The following RBPMS variants were observed in gnomAD, a reference collection of about 807,000 sequenced individuals.
The protein encoded by RBPMS is RNA binding protein, mRNA processing factor.
Under a neutral mutation model 26.8 loss-of-function variants are expected in RBPMS, and 7 were observed. The ratio of observed to expected loss-of-function variants is 0.26; its 90% CI spans 0.15 to 0.49. The LOEUF is 0.49. RBPMS is among the 20% of genes least tolerant of loss of function. RBPMS has a pLI of 0.98. For missense variants in RBPMS, 186 were observed against 250.0 expected, an observed-to-expected ratio of 0.74 and a Z score of 1.73; for synonymous variants, 96 against 93.3, an observed-to-expected ratio of 1.03 and a Z score of -0.17.
chr8:30,545,471 T>C, intron 6 of RBPMS: 1 of 990,382 alleles, frequency 1.0e-6, no homozygotes, highest in African/African-American at 1.7e-5. Context: ...AGAAAGTACG[T>C]ACGTAGGTTT....
chr8:30,484,765 G>GT (rs1818617726), intron 4 of RBPMS, among the ~76,000 whole-genome samples: 1 of 152,170 alleles, frequency 6.6e-6, no homozygotes, highest in Non-Finnish European at 1.5e-5. Context: ...CAGCTGATAT[G>GT]ATCAGGAAAA....
intron 1 of RBPMS, among the ~76,000 whole-genome samples, chr8:30,443,250 C>T (rs59800364): frequency 0.25 from 37,758 of 152,046 alleles, 5,053 homozygotes; most frequent in East Asian, 0.42. Context: ...TATTTTTTCT[C>T]TGAAGACTAT....
At chr8:30,549,772 T>TTTTCTTCTCTCTCTCTCTCTCTCTC (rs1182285469) in intron 6 of RBPMS, among the ~76,000 whole-genome samples, 9 of 71,220 alleles carry the variant, frequency 1.3e-4, no homozygotes, top group African/African-American at 6.8e-4. Context: ...TTTTCTTTTC[T>TTTTCTTCTCTCTCTCTCTCTCTCTC]TCTCTCTCTC....
intron 1 of RBPMS, among the ~76,000 whole-genome samples, chr8:30,449,995 C>A (rs3735767): frequency 1.3e-5 from 2 of 152,216 alleles, no homozygotes; most frequent in Admixed American, 6.5e-5. Context: ...AGCAGGGCTC[C>A]AAGCCTTTTT....
chr8:30,566,478 TGATTCTG>T (rs1306897564), intron 8 of RBPMS, 118 bp downstream of exon 8: 3 of 169,148 alleles, frequency 1.8e-5, no homozygotes, highest in African/African-American at 7.2e-5. Flanking sequence ...CCACCCCAGG[TGATTCTG>T]CCCGGAGCTC....
intron 1 of RBPMS, among the ~76,000 whole-genome samples, chr8:30,471,163 G>A (rs1817052253): frequency 6.6e-6 from 1 of 152,112 alleles, no homozygotes. Flanking sequence ...AAACATTTGA[G>A]TACACATACT....
chr8:30,425,366 T>C (rs1255819899), intron 1 of RBPMS, among the ~76,000 whole-genome samples: 1 of 152,182 alleles, frequency 6.6e-6, no homozygotes, highest in East Asian at 1.9e-4. Context: ...TTTAAGTATG[T>C]ATTTTATATG....
intron 5 of RBPMS, among the ~76,000 whole-genome samples, chr8:30,533,182 G>A (rs1265902819): frequency 6.6e-6 from 1 of 152,038 alleles, no homozygotes; most frequent in African/African-American, 2.4e-5. Context: ...CATCCATTTT[G>A]TGGCCTCATG....
chr8:30,491,356 T>G (rs1166566681), intron 4 of RBPMS, among the ~76,000 whole-genome samples: 1 of 152,154 alleles, frequency 6.6e-6, no homozygotes, highest in Non-Finnish European at 1.5e-5. Flanking sequence ...GTGATTATCT[T>G]TGGGGGAGGG....
intron 1 of RBPMS, among the ~76,000 whole-genome samples, chr8:30,436,050 A>G (rs1812419679): frequency 6.6e-6 from 1 of 152,232 alleles, no homozygotes; most frequent in Admixed American, 6.5e-5. Flanking sequence ...ACAGGGAGAC[A>G]ACAACAATTT....
chr8:30,498,824 A>ACACCAT (rs1305921663), intron 4 of RBPMS, among the ~76,000 whole-genome samples: 2 of 152,176 alleles, frequency 1.3e-5, no homozygotes, highest in African/African-American at 4.8e-5. Flanking sequence ...TTAGATTGGA[A>ACACCAT]TTGGAGCTAT....
intron 4 of RBPMS, among the ~76,000 whole-genome samples, chr8:30,493,224 CAG>C (rs980595539): frequency 6.6e-6 from 1 of 152,176 alleles, no homozygotes; most frequent in African/African-American, 2.4e-5. Context: ...AGGTCTCTAT[CAG>C]AGTTGAAAAT....
At chr8:30,494,576 A>G (rs140805328) in intron 4 of RBPMS, among the ~76,000 whole-genome samples, 1 of 152,242 alleles carries the variant, frequency 6.6e-6, no homozygotes. Flanking sequence ...ATTTGAATCT[A>G]GGAAGTCAGA....
chr8:30,393,237 T>C (rs959124759), intron 1 of RBPMS, among the ~76,000 whole-genome samples: 8 of 152,128 alleles, frequency 5.3e-5, no homozygotes, highest in African/African-American at 1.9e-4. Context: ...GTCTTTCTCA[T>C]ATGCTTTTTT....
At chr8:30,537,794 C>T in intron 5 of RBPMS, 2 of 366,578 alleles carry the variant, frequency 5.5e-6, no homozygotes, top group South Asian at 2.1e-5. Context: ...TAAACACGAG[C>T]TCCTACTGTT....
At chr8:30,463,604 A>C (rs1156769283) in intron 1 of RBPMS, among the ~76,000 whole-genome samples, 1 of 152,256 alleles carries the variant, frequency 6.6e-6, no homozygotes, top group African/African-American at 2.4e-5. Context: ...TACTCTGCTC[A>C]CTAGAAGCGA....
intron 6 of RBPMS, chr8:30,553,366 A>C (rs1352419476): frequency 6.6e-6 from 1 of 152,230 alleles, no homozygotes; most frequent in Non-Finnish European, 1.5e-5. Flanking sequence ...TCAGCGCTGT[A>C]AGGAAGACAA....
At chr8:30,432,987 C>T (rs930693061) in intron 1 of RBPMS, among the ~76,000 whole-genome samples, 1 of 152,150 alleles carries the variant, frequency 6.6e-6, no homozygotes, top group African/African-American at 2.4e-5. Flanking sequence ...CAACTGAAAG[C>T]CAATGCAAGC....
chr8:30,466,538 A>G (rs541940137), intron 1 of RBPMS, among the ~76,000 whole-genome samples: 1 of 151,986 alleles, frequency 6.6e-6, no homozygotes, highest in South Asian at 2.1e-4. Context: ...ACGAGACCCA[A>G]ACCTGGGAGT....
Sources: allele counts gnomAD v4.1 joint callset (sites outside exome capture counted in the v4.1 genomes callset), GRCh38; gene constraint gnomAD v4.1.1; transcripts MANE v1.5; gene names NCBI Gene and HGNC (gene_info 2026-07-23, HGNC 2026-07-21).